Variants in TC2N observed in about 807,000 individuals in gnomAD.
The protein encoded by TC2N is tandem C2 domains, nuclear, also known as tandem C2 domains nuclear protein.
TC2N carries 51 observed loss-of-function variants against 61.9 expected under a neutral mutation model. The observed-to-expected ratio is 0.82, with a 90% confidence interval of 0.66 to 1.04. The LOEUF (loss-of-function observed/expected upper bound fraction) is 1.04. Ranked by LOEUF, TC2N falls within the 50% of genes least tolerant of loss-of-function variation. The pLI, the probability that TC2N is intolerant of heterozygous loss-of-function variation, is 0.00. For missense variants in TC2N, 556 were observed against 566.7 expected, an observed-to-expected ratio of 0.98 and a Z score of 0.19; for synonymous variants, 204 against 192.6, an observed-to-expected ratio of 1.06 and a Z score of -0.49.
At chr14:91,785,512 A>G (rs1483559616) in intron 10 of TC2N, 151 bp from the exon 11 acceptor site, 3 of 601,134 alleles carry the variant, frequency 5.0e-6, no homozygotes, top group Non-Finnish European at 8.4e-6. Context: ...AGCTACGACC[A>G]TAACAGAAAA....
intron 5 of TC2N, 99 bp from the exon 6 acceptor site, chr14:91,799,163 T>G: frequency 6.9e-5 from 46 of 669,548 alleles, no homozygotes; most frequent in Non-Finnish European, 9.9e-5. Context: ...AACTGCATGC[T>G]AACTATTTTG....
chr14:91,848,858 A>G (rs1268911730), intron 1 of TC2N, among the ~76,000 whole-genome samples: 1 of 152,160 alleles, frequency 6.6e-6, no homozygotes, highest in Non-Finnish European at 1.5e-5. Context: ...CTTCATAGTC[A>G]TCATCTCCCC....
Position 91,785,403 on chromosome 14 carries a change from A to T in TC2N, c.1163-42T>A, listed in dbSNP as rs542458583. 5.4e-6 allele frequency: 8 copies of T among 1,493,998 alleles called. 1 individual carries two copies. In the African/African-American group the frequency reaches 1.1e-4, roughly 21 times the overall value. The allele number at this position is 1,493,998 out of a possible 1,614,324, so 92.5% of individuals were successfully genotyped here. On this transcript the variant is annotated intron_variant, in intron 10 of 11. Coordinates refer to ENST00000435962, the MANE Select transcript of TC2N (RefSeq NM_001128596.3). The stretch of plus-strand genomic sequence containing the variant: ...ATTGGTTTATAAAATGTTATTCAAA[A>T]TACCATATAAAGATGTGTATATACA...
chr14:91,782,907 C>T lies in TC2N; in HGVS notation c.*193G>A. The T allele has an allele frequency of 4.2e-6, 2 of 478,828 alleles. No individual in the cohort carries two copies. The highest frequency in any genetic ancestry group is 3.4e-5 in the East Asian group (1 of 29,516). 29.7% of individuals were successfully genotyped at this position (478,828 alleles called of 1,614,324 possible). Reference sequence around the variant, plus strand: ...TCTTGTTGCAGTTTTAAAACATTTCCTTTACTTTGGATATCTGATAAAATT... The same window carrying T: ...TCTTGTTGCAGTTTTAAAACATTTCTTTTACTTTGGATATCTGATAAAATT... On this transcript the variant is annotated 3_prime_UTR_variant, in exon 12 of 12. Coordinates refer to ENST00000435962, the MANE Select transcript of TC2N (RefSeq NM_001128596.3).
intron 5 of TC2N, among the ~76,000 whole-genome samples, 175 bp downstream of exon 5, chr14:91,800,106 T>C (rs1463765858): frequency 6.6e-6 from 1 of 152,114 alleles, no homozygotes; most frequent in Non-Finnish European, 1.5e-5. Flanking sequence ...AGCAATCAAA[T>C]AACAGCTTTC....
intron 3 of TC2N, among the ~76,000 whole-genome samples, chr14:91,805,655 C>T (rs1041934828): frequency 6.6e-6 from 1 of 151,148 alleles, no homozygotes; most frequent in Non-Finnish European, 1.5e-5. Context: ...CAGACTGAGA[C>T]TCCGTTTCAA....
At chr14:91,786,279 G>C (rs1885359700) in intron 10 of TC2N, among the ~76,000 whole-genome samples, 1 of 152,110 alleles carries the variant, frequency 6.6e-6, no homozygotes, top group South Asian at 2.1e-4. Flanking sequence ...GGTTTTATTT[G>C]CTCATTTTTC....
chr14:91,787,458 C>A, intron 10 of TC2N, 55 bp downstream of exon 10: 1 of 993,206 alleles, frequency 1.0e-6, no homozygotes, highest in South Asian at 1.7e-5. Context: ...AAAAAAAATA[C>A]TTTCTATTAC....
At chr14:91,862,715 T>A (rs1888617887) in intron 1 of TC2N, among the ~76,000 whole-genome samples, 1 of 152,246 alleles carries the variant, frequency 6.6e-6, no homozygotes, top group South Asian at 2.1e-4. Context: ...AGCCTGCTTC[T>A]TTTTGGTGTG....
chr14:91,822,714 C>CTT (rs35093902), intron 1 of TC2N, among the ~76,000 whole-genome samples: 1,469 of 125,380 alleles, frequency 0.012, 25 homozygotes, highest in Middle Eastern at 0.048. Context: ...TACTCATTAT[C>CTT]TTTTTTTTTT....
chr14:91,825,573 C>T (rs1395674353), intron 1 of TC2N, among the ~76,000 whole-genome samples: 1 of 152,184 alleles, frequency 6.6e-6, no homozygotes, highest in African/African-American at 2.4e-5. Flanking sequence ...TCATCTTCCA[C>T]TACTTCCTTC....
At chr14:91,856,400 C>T (rs1229477840) in intron 1 of TC2N, among the ~76,000 whole-genome samples, 1 of 151,260 alleles carries the variant, frequency 6.6e-6, no homozygotes, top group Non-Finnish European at 1.5e-5. Flanking sequence ...ACAAGAATCA[C>T]TTGAACCTGG....
At chr14:91,856,216 T>C (rs1202436459) in intron 1 of TC2N, among the ~76,000 whole-genome samples, 2 of 152,126 alleles carry the variant, frequency 1.3e-5, no homozygotes, top group African/African-American at 4.8e-5. Flanking sequence ...GGGCCAGGCG[T>C]CCTGGCTCAC....
intron 11 of TC2N, among the ~76,000 whole-genome samples, chr14:91,784,540 C>G (rs1306050074): frequency 2.0e-5 from 3 of 152,012 alleles, no homozygotes; most frequent in Admixed American, 2.0e-4. Context: ...GTGGTTCAAA[C>G]AATCGTAATT....
At chr14:91,811,071 CACAA>C (rs1886744682) in intron 3 of TC2N, among the ~76,000 whole-genome samples, 1 of 152,070 alleles carries the variant, frequency 6.6e-6, no homozygotes, top group Non-Finnish European at 1.5e-5. Flanking sequence ...AACAAATACA[CACAA>C]AATTCTACAA....
At chr14:91,862,146 T>C (rs1888603441) in intron 1 of TC2N, among the ~76,000 whole-genome samples, 1 of 151,620 alleles carries the variant, frequency 6.6e-6, no homozygotes, top group African/African-American at 2.4e-5. Context: ...GAGACCGGCC[T>C]GGGCAACATG....
intron 1 of TC2N, among the ~76,000 whole-genome samples, chr14:91,821,360 T>C (rs1180237990): frequency 6.6e-6 from 1 of 151,916 alleles, no homozygotes; most frequent in East Asian, 1.9e-4. Context: ...CCAAGAAATT[T>C]TAAAGGGAAA....
At chr14:91,794,210 G>A (rs975321186) in intron 8 of TC2N, among the ~76,000 whole-genome samples, 7 of 152,174 alleles carry the variant, frequency 4.6e-5, no homozygotes, top group Non-Finnish European at 1.0e-4. Flanking sequence ...GCTGGTTCAC[G>A]AGGTTTAAGG....
intron 1 of TC2N, among the ~76,000 whole-genome samples, chr14:91,849,160 C>T (rs1009674336): frequency 2.0e-5 from 3 of 152,204 alleles, no homozygotes; most frequent in Admixed American, 2.0e-4. Flanking sequence ...TTAGTCTCAT[C>T]ATGAGGACCA....
Sources: gnomAD v4.1 joint callset for allele counts (sites outside exome capture counted in the v4.1 genomes callset) on GRCh38, gnomAD v4.1.1 for gene constraint, MANE v1.5 for transcripts, NCBI Gene and HGNC (gene_info 2026-07-23, HGNC 2026-07-21) for gene names.